Variants in ENOX1 observed in about 807,000 individuals in gnomAD.
The protein encoded by ENOX1 is ecto-NOX disulfide-thiol exchanger 1.
A neutral mutation model predicts 82.5 loss-of-function variants in ENOX1; 42 were observed. That is an observed-to-expected ratio of 0.51 (90% confidence interval 0.40 to 0.66). ENOX1 has a LOEUF of 0.66. Ranked by LOEUF, ENOX1 falls within the 30% of genes least tolerant of loss-of-function variation. The pLI, the probability that ENOX1 is intolerant of heterozygous loss-of-function variation, is 0.00. For missense variants in ENOX1, 608 were observed against 811.6 expected (o/e 0.75, Z 3.05); for synonymous variants, 271 against 282.2 (o/e 0.96, Z 0.40).
chr13:43,584,597 T>C (rs764152543), intron 2 of ENOX1, among the ~76,000 whole-genome samples: 3 of 152,174 alleles, frequency 2.0e-5, no homozygotes, highest in Non-Finnish European at 2.9e-5. Flanking sequence ...GATACACTTC[T>C]GGAGAAGTGG....
chr13:43,465,999 A>G (rs1164415172), intron 3 of ENOX1, among the ~76,000 whole-genome samples: 4 of 152,122 alleles, frequency 2.6e-5, no homozygotes, highest in Non-Finnish European at 5.9e-5. Context: ...GTTTTCATCA[A>G]ATCATTTCAT....
intron 2 of ENOX1, among the ~76,000 whole-genome samples, chr13:43,527,232 C>A (rs1250701134): frequency 6.6e-6 from 1 of 152,112 alleles, no homozygotes; most frequent in Non-Finnish European, 1.5e-5. Context: ...CAGACCCTCA[C>A]AAATATCAGA....
At chr13:43,456,894 G>T (rs971527830) in intron 3 of ENOX1, among the ~76,000 whole-genome samples, 1 of 152,108 alleles carries the variant, frequency 6.6e-6, no homozygotes, top group African/African-American at 2.4e-5. Flanking sequence ...GAATCTGAAG[G>T]CTTTGCTCAG....
At chr13:43,439,397 T>A (rs1369387217) in intron 3 of ENOX1, among the ~76,000 whole-genome samples, 1 of 152,138 alleles carries the variant, frequency 6.6e-6, no homozygotes, top group Non-Finnish European at 1.5e-5. Context: ...AGACAGGGTT[T>A]CACCATGCTC....
chr13:43,498,388 A>C (rs1352655680), intron 2 of ENOX1, among the ~76,000 whole-genome samples: 6 of 152,072 alleles, frequency 3.9e-5, no homozygotes, highest in African/African-American at 1.2e-4. Context: ...GAAGCATGAA[A>C]ATGTTAGAAA....
At chr13:43,616,925 A>AACACAC (rs61106243) in intron 2 of ENOX1, among the ~76,000 whole-genome samples, 74 of 151,580 alleles carry the variant, frequency 4.9e-4, no homozygotes, top group Middle Eastern at 3.4e-3. Context: ...AAAACAAGTA[A>AACACAC]ACACACACAC....
At chr13:43,483,612 C>T (rs954750432) in intron 3 of ENOX1, among the ~76,000 whole-genome samples, 1 of 152,090 alleles carries the variant, frequency 6.6e-6, no homozygotes, top group Non-Finnish European at 1.5e-5. Context: ...TTGACAAATT[C>T]AGTTTTGATT....
chr13:43,499,516 G>A (rs2076906443), intron 2 of ENOX1, among the ~76,000 whole-genome samples: 1 of 151,984 alleles, frequency 6.6e-6, no homozygotes, highest in South Asian at 2.1e-4. Flanking sequence ...CACAGACACT[G>A]ACACCCGGCC....
chr13:43,737,469 A>G (rs1008332843), intron 1 of ENOX1, among the ~76,000 whole-genome samples: 3 of 152,150 alleles, frequency 2.0e-5, no homozygotes, highest in Non-Finnish European at 4.4e-5. Flanking sequence ...TCCAAGCTTC[A>G]CTGTTCCGGA....
intron 2 of ENOX1, among the ~76,000 whole-genome samples, chr13:43,653,423 A>G (rs772758286): frequency 6.6e-5 from 10 of 152,322 alleles, no homozygotes; most frequent in Middle Eastern, 3.4e-3. Context: ...AGATACTACA[A>G]ACAAACTTGA....
intron 2 of ENOX1, among the ~76,000 whole-genome samples, chr13:43,568,638 A>G (rs2080025384): frequency 6.6e-6 from 1 of 151,558 alleles, no homozygotes; most frequent in Non-Finnish European, 1.5e-5. Flanking sequence ...ACAGTTACCA[A>G]TTCTAGCTTC....
At chr13:43,298,567 T>C (rs754298653) in intron 11 of ENOX1, 37 bp from the exon 12 acceptor site, 1 of 1,558,130 alleles carries the variant, frequency 6.4e-7, no homozygotes, top group Admixed American at 1.9e-5. Flanking sequence ...GTGAGCTACC[T>C]TCTTGCTTAG....
chr13:43,412,133 T>C lies in ENOX1; in HGVS notation c.71-80A>G. 5.9e-6 allele frequency: 9 copies of C among 1,530,252 alleles called. No individual in the cohort carries two copies. In the South Asian group the frequency reaches 1.1e-4, roughly 18 times the overall value. 94.8% of individuals were successfully genotyped at this position (1,530,252 alleles called of 1,614,324 possible). On this transcript the variant is annotated intron_variant, in intron 4 of 16. Transcript: ENST00000690772. ...AAAGAAAATCACATTTCTAGATATGTGAGGCTTCATTTAGCACATTCCCAA... is the reference window on the plus strand; with the variant it reads ...AAAGAAAATCACATTTCTAGATATGCGAGGCTTCATTTAGCACATTCCCAA...
At chr13:43,529,706 T>C (rs1204994113) in intron 2 of ENOX1, among the ~76,000 whole-genome samples, 1 of 152,058 alleles carries the variant, frequency 6.6e-6, no homozygotes, top group Non-Finnish European at 1.5e-5. Context: ...GCTTTAGGCA[T>C]CCACTGGGAG....
chr13:43,566,157 A>G (rs2079911927), intron 2 of ENOX1, among the ~76,000 whole-genome samples: 1 of 152,318 alleles, frequency 6.6e-6, no homozygotes, highest in East Asian at 1.9e-4. Flanking sequence ...AATATAAGTA[A>G]GTTGCTCTGG....
intron 5 of ENOX1, among the ~76,000 whole-genome samples, chr13:43,403,481 A>G (rs2053612430): frequency 6.6e-6 from 1 of 152,228 alleles, no homozygotes. Flanking sequence ...TACCTTATAT[A>G]GTACATGGGA....
intron 2 of ENOX1, among the ~76,000 whole-genome samples, chr13:43,587,589 T>C (rs1037751015): frequency 6.6e-6 from 1 of 152,204 alleles, no homozygotes; most frequent in African/African-American, 2.4e-5. Flanking sequence ...ATGGCTAGGA[T>C]AGTCTATCAG....
chr13:43,226,596 T>C (rs975192984), intron 15 of ENOX1, among the ~76,000 whole-genome samples: 1 of 152,180 alleles, frequency 6.6e-6, no homozygotes. Context: ...TGTTTCACGA[T>C]GGTGAGTGGG....
At chr13:43,740,998 C>G (rs756770941) in intron 1 of ENOX1, among the ~76,000 whole-genome samples, 1 of 151,676 alleles carries the variant, frequency 6.6e-6, no homozygotes, top group Admixed American at 6.6e-5. Flanking sequence ...GGGTAAATAT[C>G]TAGGAGAAGA....
Sources: gnomAD v4.1 joint callset for allele counts (sites outside exome capture counted in the v4.1 genomes callset) on GRCh38, gnomAD v4.1.1 for gene constraint, MANE v1.5 for transcripts, NCBI Gene and HGNC (gene_info 2026-07-23, HGNC 2026-07-21) for gene names.